The following CYRIB variants were observed in gnomAD, a reference collection of about 807,000 sequenced individuals.
The protein encoded by CYRIB is CYFIP-related Rac1 interactor B.
CYRIB carries 8 observed loss-of-function variants against 44.2 expected under a neutral mutation model. The ratio of observed to expected loss-of-function variants is 0.18; its 90% CI spans 0.11 to 0.33. The LOEUF is 0.33. CYRIB is among the 10% of genes least tolerant of loss of function. The pLI, the probability that CYRIB is intolerant of heterozygous loss-of-function variation, is 1.00. For synonymous variants in CYRIB, 131 were observed against 127.2 expected (o/e 1.03, Z -0.20); for missense variants, 185 against 382.8 (o/e 0.48, Z 4.31).
At chr8:129,966,013 A>T (rs2095466049) in intron 2 of CYRIB, among the ~76,000 whole-genome samples, 1 of 151,858 alleles carries the variant, frequency 6.6e-6, no homozygotes, top group African/African-American at 2.4e-5. Context: ...GGGCCACAAC[A>T]CCCAGCTAAT....
intron 10 of CYRIB, 43 bp downstream of exon 12, chr8:129,849,200 G>A: frequency 6.5e-7 from 1 of 1,530,498 alleles, no homozygotes; most frequent in Non-Finnish European, 8.8e-7. Context: ...TGGTTTCCAT[G>A]GAGAAACTCG....
At position 129,901,226 on chromosome 8, in the gene CYRIB, C is replaced by CT. The variant is rs1002962200; in HGVS notation, c.-11+2085dup. ...CTTCTAGCCTACATCATTAGGATAC[C>CT]TTTTTTTTTTGAGAGACAGAGTATC... On this transcript the variant is annotated intron_variant, in intron 2 of 11. Transcript: ENST00000519824. Among the ~76,000 whole-genome samples the CT allele has an allele frequency of 5.6e-3, 837 of 148,614 alleles. 6 individuals carry two copies. The highest frequency in any genetic ancestry group is 8.3e-3 in the South Asian group (39 of 4,674).
intron 1 of CYRIB, among the ~76,000 whole-genome samples, chr8:129,923,113 C>T (rs868284163): frequency 7.2e-5 from 10 of 138,938 alleles, no homozygotes; most frequent in Middle Eastern, 4.6e-3. Flanking sequence ...CATGGTGGCA[C>T]ATGCCTGTAG....
At chr8:129,842,065 C>T in exon 12 of CYRIB, 3 of 939,058 alleles carry the variant, frequency 3.2e-6, no homozygotes, top group East Asian at 4.8e-5. Context: ...ATAGTAATTG[C>T]AATCACTAAA....
At chr8:129,957,540 ATT>A (rs1168346789) in intron 2 of CYRIB, among the ~76,000 whole-genome samples, 1 of 152,182 alleles carries the variant, frequency 6.6e-6, no homozygotes, top group Admixed American at 6.5e-5. Flanking sequence ...TGAATTTCAA[ATT>A]TTTTTATTGC....
intron 5 of CYRIB, among the ~76,000 whole-genome samples, chr8:129,857,680 T>C (rs1277016975): frequency 6.6e-6 from 1 of 152,212 alleles, no homozygotes; most frequent in Non-Finnish European, 1.5e-5. Context: ...TATCAAGGTG[T>C]AACAGTGGAT....
chr8:129,899,233 G>C (rs552320392), intron 2 of CYRIB, among the ~76,000 whole-genome samples: 6 of 152,228 alleles, frequency 3.9e-5, no homozygotes, highest in African/African-American at 1.4e-4. Flanking sequence ...AGCAGAAAGA[G>C]ATCCCCCTCA....
chr8:129,890,379 C>T (rs1174441059), intron 2 of CYRIB: 3 of 152,152 alleles, frequency 2.0e-5, no homozygotes, highest in African/African-American at 7.2e-5. Context: ...CAGGCAAGAC[C>T]CTCCACTAGC....
At chr8:129,925,338 G>A (rs1183562926) in intron 1 of CYRIB, among the ~76,000 whole-genome samples, 1 of 152,156 alleles carries the variant, frequency 6.6e-6, no homozygotes, top group Non-Finnish European at 1.5e-5. Flanking sequence ...GTTGCAGTGA[G>A]CCAAGGTCAT....
At chr8:129,889,063 T>C (rs1483895009) in intron 2 of CYRIB, among the ~76,000 whole-genome samples, 1 of 152,078 alleles carries the variant, frequency 6.6e-6, no homozygotes, top group African/African-American at 2.4e-5. Flanking sequence ...CTGCACTCCA[T>C]GGGCAACAGA....
chr8:129,857,034 C>T (rs1299175636), intron 5 of CYRIB, among the ~76,000 whole-genome samples: 1 of 152,164 alleles, frequency 6.6e-6, no homozygotes, highest in Non-Finnish European at 1.5e-5. Flanking sequence ...TGTCAGATAC[C>T]AGGTACTGAA....
intron 3 of CYRIB, among the ~76,000 whole-genome samples, chr8:129,872,356 C>T (rs1370090530): frequency 6.6e-6 from 1 of 152,104 alleles, no homozygotes; most frequent in Non-Finnish European, 1.5e-5. Context: ...AGGACACAAA[C>T]ATATGGGCAT....
intron 1 of CYRIB, among the ~76,000 whole-genome samples, chr8:130,001,274 C>A (rs1410520795): frequency 1.3e-5 from 2 of 152,134 alleles, no homozygotes; most frequent in African/African-American, 4.8e-5. Flanking sequence ...TCCCTCTCCC[C>A]AAGAGAAGTT....
intron 1 of CYRIB, among the ~76,000 whole-genome samples, chr8:130,007,726 C>T (rs1223642264): frequency 6.6e-6 from 1 of 151,652 alleles, no homozygotes; most frequent in Non-Finnish European, 1.5e-5. Context: ...GGAGGTTGCG[C>T]TGAGCCGAGA....
chr8:130,014,401 A>T (rs1456666589), intron 1 of CYRIB, among the ~76,000 whole-genome samples: 1 of 152,188 alleles, frequency 6.6e-6, no homozygotes, highest in Admixed American at 6.5e-5. Context: ...CTTCTGCACT[A>T]CTTCAACCTC....
intron 7 of CYRIB, 50 bp downstream of exon 9, chr8:129,854,216 T>C: frequency 7.6e-7 from 1 of 1,307,934 alleles, no homozygotes; most frequent in Non-Finnish European, 1.1e-6. Flanking sequence ...ATGAACAGGC[T>C]GAGCACTAAG....
At chr8:129,948,278 T>A (rs760883073) in intron 2 of CYRIB, among the ~76,000 whole-genome samples, 5 of 152,198 alleles carry the variant, frequency 3.3e-5, no homozygotes, top group Non-Finnish European at 7.3e-5. Flanking sequence ...TCTGCACGCC[T>A]TCACTTCTTC....
At chr8:129,978,196 C>T (rs1218438051) in intron 1 of CYRIB, among the ~76,000 whole-genome samples, 1 of 152,182 alleles carries the variant, frequency 6.6e-6, no homozygotes, top group African/African-American at 2.4e-5. Flanking sequence ...AGTGGGCCAC[C>T]GTGCCCAGTC....
At chr8:129,924,503 T>C (rs1321633643) in intron 1 of CYRIB, among the ~76,000 whole-genome samples, 1 of 152,000 alleles carries the variant, frequency 6.6e-6, no homozygotes, top group East Asian at 1.9e-4. Flanking sequence ...TTGTAACCAT[T>C]ATACTGAACA....
Sources: gnomAD v4.1 joint callset for allele counts (sites outside exome capture counted in the v4.1 genomes callset) on GRCh38, gnomAD v4.1.1 for gene constraint, MANE v1.5 for transcripts, NCBI Gene and HGNC (gene_info 2026-07-23, HGNC 2026-07-21) for gene names.